GID4: variants seen among roughly 807,000 people sequenced by gnomAD.
GID4 encodes the protein GID complex subunit 4 homolog, also known as glucose-induced degradation protein 4 homolog.
GID4 carries 7 observed loss-of-function variants against 32.4 expected under a neutral mutation model. That is an observed-to-expected ratio of 0.22 (90% confidence interval 0.12 to 0.41). The LOEUF is 0.41. Ranked by LOEUF, GID4 falls within the 10% of genes least tolerant of loss-of-function variation. The probability of loss-of-function intolerance (pLI) is 1.00; values close to 1 mark genes in which losing one functional copy is unlikely to be tolerated. For missense variants in GID4, 309 were observed against 400.0 expected (o/e 0.77, Z 1.94); for synonymous variants, 166 against 170.0 (o/e 0.98, Z 0.18).
chr17:18,065,625 C>T lies in GID4; in HGVS notation c.*382C>T, dbSNP rs1052472360. The stretch of plus-strand genomic sequence containing the variant: ...CCTCAGCCTTGGTGCTCAGTGGTCC[C>T]GAGGCCCTAGACCCCCACCCCCCGC... On this transcript the variant is annotated 3_prime_UTR_variant, in exon 6 of 6. Transcript: ENST00000268719. 4 of 261,456 alleles carry T rather than the reference C, an allele frequency of 1.5e-5. No homozygotes were observed. Among genetic ancestry groups the T allele is most frequent in the South Asian group, 8.1e-5 (2 of 24,834 alleles). The allele number at this position is 261,456 out of a possible 1,614,324, so 16.2% of individuals were successfully genotyped here. A position where few individuals can be genotyped will look rare whatever the true frequency, so the allele number is the denominator to read the frequency against.
rs760271660 is a variant in GID4 at position 18,039,748 on chromosome 17, G to GTGCCTCCGC, written c.294_302dup (p.Ala101_Ser103dup). ...CGCACCGAGTGTCCCCCGCCGGCCG[G>GTGCCTCCGC]TGCCTCCGCTGCCTCCGCGGCCTCA... On this transcript the variant is annotated inframe_insertion, in exon 1 of 6. Coordinates refer to ENST00000268719, the MANE Select transcript of GID4 (RefSeq NM_024052.5). The surrounding 1 kb of genome is among the most constrained non-coding windows in gnomAD (Gnocchi z 5.3). 37 of 1,552,534 alleles carry GTGCCTCCGC rather than the reference G, an allele frequency of 2.4e-5. No homozygotes were observed. The highest frequency in any genetic ancestry group is 1.7e-4 in the South Asian group (14 of 84,786).
intron 3 of GID4, among the ~76,000 whole-genome samples, 188 bp downstream of exon 3, chr17:18,054,422 GC>G (rs1386188080): frequency 6.6e-6 from 1 of 152,218 alleles, no homozygotes; most frequent in Non-Finnish European, 1.5e-5. Flanking sequence ...GATCTGACCT[GC>G]TGCTTAAATA....
At chr17:18,045,912 A>T (rs989756270) in intron 2 of GID4, among the ~76,000 whole-genome samples, 3 of 151,582 alleles carry the variant, frequency 2.0e-5, no homozygotes, top group African/African-American at 7.3e-5. Context: ...AAAAAGAAAG[A>T]AAAAAAAGGG....
At chr17:18,040,862 T>TC in intron 1 of GID4, among the ~76,000 whole-genome samples, 1 of 151,974 alleles carries the variant, frequency 6.6e-6, no homozygotes, top group East Asian at 1.9e-4. Flanking sequence ...TCCAGTCGCC[T>TC]CCCCCCATTT....
chr17:18,047,969 C>T (rs1253987529), intron 2 of GID4, among the ~76,000 whole-genome samples: 2 of 151,102 alleles, frequency 1.3e-5, no homozygotes, highest in African/African-American at 2.4e-5. Flanking sequence ...GGTGCAATCT[C>T]GGCTCACTGC....
intron 5 of GID4, among the ~76,000 whole-genome samples, chr17:18,063,861 GC>G (rs2045038096): frequency 6.6e-6 from 1 of 152,084 alleles, no homozygotes; most frequent in South Asian, 2.1e-4. Flanking sequence ...TCCTGCCTCA[GC>G]CTCCCGAGTA....
intron 2 of GID4, among the ~76,000 whole-genome samples, chr17:18,048,623 G>T (rs2044879336): frequency 6.6e-6 from 1 of 151,904 alleles, no homozygotes; most frequent in Admixed American, 6.6e-5. Flanking sequence ...ATTTATGTTT[G>T]TTAAAATATC....
chr17:18,060,838 A>G lies in GID4; in HGVS notation c.709-1007A>G, dbSNP rs190723513. 3.3e-3 allele frequency among the ~76,000 whole-genome samples: 501 copies of G among 152,198 alleles called. 2 individuals are homozygous for G. Among genetic ancestry groups the G allele is most frequent in the Non-Finnish European group, 6.5e-3 (445 of 68,020 alleles). On this transcript the variant is annotated intron_variant, in intron 4 of 5. Transcript: ENST00000268719. ...AACCTCCCCGTCCCGTGTTCAAGCA[A>G]TTCTCCTGCCTCAGCCTCCCAAGTA...
At chr17:18,051,880 C>G (rs2044913404) in intron 2 of GID4, among the ~76,000 whole-genome samples, 2 of 152,084 alleles carry the variant, frequency 1.3e-5, no homozygotes, top group African/African-American at 2.4e-5. Flanking sequence ...CAAGACCGTC[C>G]TGGCTAACAC....
rs1250982628 is a variant in GID4 at position 18,059,018 on chromosome 17, G to A, written c.708+49G>A. 5 of 1,025,418 alleles carry A rather than the reference G, an allele frequency of 4.9e-6. No individual in the cohort carries two copies. In the South Asian group the frequency reaches 5.1e-5, roughly 10 times the overall value. 63.5% of individuals were successfully genotyped at this position (1,025,418 alleles called of 1,614,324 possible). A position where few individuals can be genotyped will look rare whatever the true frequency, so the allele number is the denominator to read the frequency against. On this transcript the variant is annotated intron_variant, in intron 4 of 5. Transcript: ENST00000268719. ...CCAGACTCCCAGCAAGCCAGGCCCT[G>A]TATCGCACCTACATATTCACTCTAA...
chr17:18,052,329 G>A (rs2044919052), intron 2 of GID4, among the ~76,000 whole-genome samples: 1 of 152,136 alleles, frequency 6.6e-6, no homozygotes, highest in African/African-American at 2.4e-5. Context: ...CTGCAGCGGT[G>A]GTGACGTTCT....
Position 18,061,698 on chromosome 17 carries a change from C to T in GID4, c.709-147C>T. 1.4e-6 allele frequency: 1 copy of T among 730,712 alleles called. No individual in the cohort carries two copies. The highest frequency in any genetic ancestry group is 1.7e-5 in the South Asian group (1 of 60,430). The allele number at this position is 730,712 out of a possible 1,614,324, so 45.3% of individuals were successfully genotyped here. On this transcript the variant is annotated intron_variant, in intron 4 of 5. Coordinates refer to ENST00000268719, the MANE Select transcript of GID4 (RefSeq NM_024052.5). The surrounding 1 kb of genome is among the most constrained non-coding windows in gnomAD (Gnocchi z 4.4). The stretch of plus-strand genomic sequence containing the variant: ...AGAAGTCAGGCTGAGACCCCACGGG[C>T]CCGCCATCACCCAGCAAGTCTAGGT...
In GID4 at chr17:18,066,101, A is replaced by AT. The variant is rs1170903751; in HGVS notation, c.*862dup. The AT allele has an allele frequency of 6.6e-6, 1 of 152,600 alleles. No individual in the cohort carries two copies. The highest frequency in any genetic ancestry group is 1.5e-5 in the Non-Finnish European group (1 of 68,050). The allele number at this position is 152,600 out of a possible 1,614,324, so 9.5% of individuals were successfully genotyped here. On this transcript the variant is annotated 3_prime_UTR_variant, in exon 6 of 6. Coordinates refer to ENST00000268719, the MANE Select transcript of GID4 (RefSeq NM_024052.5). ...CAAATGCACAATTATTCAGAATTACATTTTATCGTTTTCACATTGAAAACA... is the reference window on the plus strand; with the variant it reads ...CAAATGCACAATTATTCAGAATTACATTTTTATCGTTTTCACATTGAAAACA...
chr17:18,055,525 G>C (rs2044957887), intron 3 of GID4, among the ~76,000 whole-genome samples: 1 of 152,116 alleles, frequency 6.6e-6, no homozygotes. Context: ...GTCTTGCTCT[G>C]TCGTCTATGC....
chr17:18,056,826 G>C, intron 3 of GID4: 1 of 1,550,610 alleles, frequency 6.4e-7, no homozygotes. Flanking sequence ...CCAGGGAGCT[G>C]AACCTATGGA....
rs998936075 is a variant in GID4 at position 18,050,106 on chromosome 17, G to A, written c.499-4021G>A. Among the ~76,000 whole-genome samples, 7 of 152,222 alleles carry A rather than the reference G, an allele frequency of 4.6e-5. No homozygotes were observed. In the South Asian group the frequency reaches 1.2e-3, roughly 27 times the overall value. ...GTATTCCTTGGTGTATATATACCAC[G>A]TTTTCTTTATCCAATCTGTCATTGA... On this transcript the variant is annotated intron_variant, in intron 2 of 5. Transcript: ENST00000268719.
At chr17:18,052,500 G>A (rs754183149) in intron 2 of GID4, among the ~76,000 whole-genome samples, 2 of 152,148 alleles carry the variant, frequency 1.3e-5, no homozygotes, top group Admixed American at 6.5e-5. Flanking sequence ...AAGGAAAAAC[G>A]TGGGCCTTCT....
chr17:18,056,646 G>A (rs1039812466), intron 3 of GID4: 2 of 1,515,536 alleles, frequency 1.3e-6, no homozygotes, highest in Admixed American at 2.0e-5. Flanking sequence ...AGGCTAGGTT[G>A]ACTACAAATT....
chr17:18,067,001 G>A lies in GID4; in HGVS notation c.*1758G>A, dbSNP rs1468863971. 2 of 152,228 alleles carry A rather than the reference G, an allele frequency of 1.3e-5. No homozygotes were observed. Among genetic ancestry groups the A allele is most frequent in the Non-Finnish European group, 2.9e-5 (2 of 68,054 alleles). The allele number at this position is 152,228 out of a possible 1,614,324, so 9.4% of individuals were successfully genotyped here. On this transcript the variant is annotated 3_prime_UTR_variant, in exon 6 of 6. Transcript: ENST00000268719. The stretch of plus-strand genomic sequence containing the variant: ...AAAAATAATTCATTCCCAGAGATGA[G>A]TCAGAACAGTCTCCTCAATCCTGAA...
Sources: allele counts gnomAD v4.1 joint callset (sites outside exome capture counted in the v4.1 genomes callset), GRCh38; gene constraint gnomAD v4.1.1; non-coding constraint Gnocchi (gnomAD v3.1); transcripts MANE v1.5; gene names NCBI Gene and HGNC (gene_info 2026-07-23, HGNC 2026-07-21).